The following MTAP variants were observed in gnomAD, a reference collection of about 807,000 sequenced individuals.
The protein encoded by MTAP is methylthioadenosine phosphorylase.
MTAP carries 33 observed loss-of-function variants against 33.6 expected under a neutral mutation model. That is an observed-to-expected ratio of 0.98 (90% CI 0.74 to 1.31). The LOEUF (loss-of-function observed/expected upper bound fraction) is 1.31. Ranked by LOEUF, MTAP falls within the 40% of genes most tolerant of loss-of-function variation. The probability of loss-of-function intolerance (pLI) is 0.00; values close to 1 mark genes in which losing one functional copy is unlikely to be tolerated. For missense variants in MTAP, 367 were observed against 360.0 expected (o/e 1.02, Z -0.16); for synonymous variants, 148 against 125.7 (o/e 1.18, Z -1.19).
chr9:21,806,140 G>C (rs1162293901), intron 1 of MTAP, among the ~76,000 whole-genome samples: 2 of 152,118 alleles, frequency 1.3e-5, no homozygotes, highest in Non-Finnish European at 1.5e-5. Flanking sequence ...TGATTACTCT[G>C]GCTGTTGTAT....
At chr9:21,932,637 A>T (rs1818981065), downstream of MTAP, 1 of 151,608 alleles carries the variant, frequency 6.6e-6, no homozygotes, top group South Asian at 2.1e-4. Context: ...CCAACCAATT[A>T]GCAGCAAGGA....
chr9:21,823,975 T>C (rs552821382), intron 4 of MTAP, among the ~76,000 whole-genome samples: 1 of 152,354 alleles, frequency 6.6e-6, no homozygotes, highest in African/African-American at 2.4e-5. Flanking sequence ...TTTAAGGACT[T>C]CTCTACACTG....
chr9:21,939,188 A>G (rs1200056403), downstream of MTAP, among the ~76,000 whole-genome samples: 4 of 152,276 alleles, frequency 2.6e-5, no homozygotes, highest in South Asian at 4.2e-4. Context: ...CTCCCGCCAT[A>G]ATTCTGAGGC....
Position 21,863,734 on chromosome 9 carries a change from C to T in MTAP, c.*1720C>T. ...CACTGTAGGCTATTACAGGATACTTCAGGATCAAGATACAGAACCTTTTAT... is the reference window on the plus strand; with the variant it reads ...CACTGTAGGCTATTACAGGATACTTTAGGATCAAGATACAGAACCTTTTAT... On this transcript the variant is annotated 3_prime_UTR_variant, in exon 8 of 8. Coordinates refer to ENST00000644715, the MANE Select transcript of MTAP (RefSeq NM_002451.4). The T allele has an allele frequency of 4.1e-6, 4 of 985,702 alleles. No homozygotes were observed. The South Asian group carries it at 1.9e-4, about 46-fold the overall frequency. The allele number at this position is 985,702 out of a possible 1,614,324, so 61.1% of individuals were successfully genotyped here. A position where few individuals can be genotyped will look rare whatever the true frequency, so the allele number is the denominator to read the frequency against.
chr9:21,916,080 AAAGGAAGGAAGG>A (rs375102585), intron 1 of MTAP, among the ~76,000 whole-genome samples: 58 of 117,050 alleles, frequency 5.0e-4, no homozygotes, highest in East Asian at 1.7e-3. Flanking sequence ...GGGAGGAAGG[AAAGGAAGGAAGG>A]AAGGAAGGAA....
intron 4 of MTAP, among the ~76,000 whole-genome samples, chr9:21,830,178 G>A (rs1239480701): frequency 6.6e-6 from 1 of 152,126 alleles, no homozygotes; most frequent in African/African-American, 2.4e-5. Flanking sequence ...ATATATCTTG[G>A]TCTAGAACTT....
rs573025958 is a variant in MTAP at position 21,914,619 on chromosome 9, C to T, written c.148-16389C>T. Reference sequence around the variant, plus strand: ...CCACAGGAAGGGGAACATCACACACCGGGGCCTCTCATGGGGTGGGGGTGG... The same window carrying T: ...CCACAGGAAGGGGAACATCACACACTGGGGCCTCTCATGGGGTGGGGGTGG... On this transcript the variant is annotated intron_variant, in intron 1 of 1. Coordinates refer to the MTAP transcript ENST00000577563. Among the ~76,000 whole-genome samples, 9 of 111,544 alleles carry T rather than the reference C, an allele frequency of 8.1e-5. No homozygotes were observed. In the East Asian group the frequency reaches 1.0e-3, roughly 13 times the overall value. 73.2% of individuals were successfully genotyped at this position (111,544 alleles called of 152,430 possible).
chr9:21,924,963 CCTGT>C (rs1012920874), intron 1 of MTAP, among the ~76,000 whole-genome samples: 1 of 152,142 alleles, frequency 6.6e-6, no homozygotes, highest in African/African-American at 2.4e-5. Context: ...TGGGACAAAC[CCTGT>C]CTAAGGGAGA....
intron 1 of MTAP, among the ~76,000 whole-genome samples, chr9:21,919,871 G>A (rs1818759740): frequency 1.3e-5 from 2 of 152,140 alleles, no homozygotes; most frequent in Admixed American, 6.5e-5. Flanking sequence ...AGTGTGGCTT[G>A]CTGCCAGCAC....
chr9:21,814,462 A>G (rs926737016), intron 1 of MTAP, among the ~76,000 whole-genome samples: 2 of 152,238 alleles, frequency 1.3e-5, no homozygotes, highest in Non-Finnish European at 2.9e-5. Flanking sequence ...TTTCTAATAA[A>G]GTTAGCCTGG....
intron 1 of MTAP, among the ~76,000 whole-genome samples, chr9:21,878,469 T>C (rs988890326): frequency 6.6e-6 from 1 of 151,908 alleles, no homozygotes; most frequent in African/African-American, 2.4e-5. Context: ...GAGATCTTTC[T>C]AACTTTTAAA....
chr9:21,909,491 T>C (rs1441495808), intron 1 of MTAP, among the ~76,000 whole-genome samples: 1 of 152,178 alleles, frequency 6.6e-6, no homozygotes, highest in Non-Finnish European at 1.5e-5. Context: ...TTAATCTTCA[T>C]GCATTAAGCT....
chr9:21,863,317 C>T lies in MTAP; in HGVS notation c.*1303C>T. Reference sequence around the variant, plus strand: ...TTTTTATTGTTATTTTATAGAAATGCTTTTTGTTGGCCGGGCACAGTTGCT... The same window carrying T: ...TTTTTATTGTTATTTTATAGAAATGTTTTTTGTTGGCCGGGCACAGTTGCT... On this transcript the variant is annotated 3_prime_UTR_variant, in exon 8 of 8. Coordinates refer to ENST00000644715, the MANE Select transcript of MTAP (RefSeq NM_002451.4). The T allele has an allele frequency of 1.0e-6, 1 of 984,464 alleles. No homozygotes were observed. The highest frequency in any genetic ancestry group is 1.2e-6 in the Non-Finnish European group (1 of 829,196). 61.0% of individuals were successfully genotyped at this position (984,464 alleles called of 1,614,324 possible).
chr9:21,920,315 C>A (rs933188219), intron 1 of MTAP, among the ~76,000 whole-genome samples: 2 of 152,112 alleles, frequency 1.3e-5, no homozygotes, highest in Admixed American at 6.5e-5. Flanking sequence ...GTAAGATAAG[C>A]AGGAGGGAGA....
intron 1 of MTAP, among the ~76,000 whole-genome samples, chr9:21,883,202 A>G (rs942838296): frequency 1.3e-5 from 2 of 152,090 alleles, no homozygotes; most frequent in Non-Finnish European, 2.9e-5. Context: ...CAAACAATCA[A>G]TTAGAAAAGG....
intron 4 of MTAP, among the ~76,000 whole-genome samples, 153 bp downstream of exon 4, chr9:21,818,355 C>G: frequency 7.8e-6 from 1 of 128,670 alleles, no homozygotes; most frequent in Non-Finnish European, 1.6e-5. Flanking sequence ...GGAGACGGAG[C>G]CTCACTCTGT....
At chr9:21,905,342 T>G (rs1333934539) in intron 1 of MTAP, among the ~76,000 whole-genome samples, 1 of 151,992 alleles carries the variant, frequency 6.6e-6, no homozygotes, top group Non-Finnish European at 1.5e-5. Flanking sequence ...TTCGGGGGTT[T>G]TTACAGGCAC....
chr9:21,819,761 T>C (rs1824582785), intron 4 of MTAP, among the ~76,000 whole-genome samples: 1 of 152,228 alleles, frequency 6.6e-6, no homozygotes, highest in Non-Finnish European at 1.5e-5. Context: ...CCACCAGCAG[T>C]GTAAAAGTGT....
At position 21,821,551 on chromosome 9, in the gene MTAP, A is replaced by C. The variant is rs1443763588; in HGVS notation, c.347+3349A>C. Among the ~76,000 whole-genome samples the C allele has an allele frequency of 3.3e-5, 5 of 152,336 alleles. No individual in the cohort carries two copies. The East Asian group carries it at 9.6e-4, about 29-fold the overall frequency. ...CCAGTATTTTATTGAGGATTTTTGC[A>C]TCGATGTTCATCAGGGATATTGGTC... On this transcript the variant is annotated intron_variant, in intron 4 of 7. Coordinates refer to ENST00000644715, the MANE Select transcript of MTAP (RefSeq NM_002451.4).
Sources: allele counts gnomAD v4.1 joint callset (sites outside exome capture counted in the v4.1 genomes callset), GRCh38; gene constraint gnomAD v4.1.1; transcripts MANE v1.5; gene names NCBI Gene and HGNC (gene_info 2026-07-23, HGNC 2026-07-21).